The following PRR11 variants were observed in gnomAD, a reference collection of about 807,000 sequenced individuals.
PRR11 encodes proline-rich protein 11.
Under a neutral mutation model 45.6 loss-of-function variants are expected in PRR11, and 30 were observed. The ratio of observed to expected loss-of-function variants is 0.66; its 90% CI spans 0.49 to 0.89. PRR11 has a LOEUF of 0.89. Ranked by LOEUF, PRR11 falls within the 40% of genes least tolerant of loss-of-function variation. PRR11 has a pLI of 0.00. For synonymous variants in PRR11, 128 were observed against 153.5 expected, an observed-to-expected ratio of 0.83 and a Z score of 1.23; for missense variants, 373 against 424.8, an observed-to-expected ratio of 0.88 and a Z score of 1.07.
At chr17:59,198,751 C>T (rs935490131) in intron 9 of PRR11, among the ~76,000 whole-genome samples, 2 of 151,724 alleles carry the variant, frequency 1.3e-5, no homozygotes, top group Admixed American at 1.3e-4. Context: ...GCATGAGAAT[C>T]GCTTGAACCC....
intron 1 of PRR11, among the ~76,000 whole-genome samples, chr17:59,158,969 T>C (rs1281408766): frequency 6.6e-6 from 1 of 152,056 alleles, no homozygotes; most frequent in Non-Finnish European, 1.5e-5. Flanking sequence ...TACAGCACAC[T>C]CCACCACACC....
chr17:59,190,037 A>G (rs1217358601), intron 4 of PRR11, among the ~76,000 whole-genome samples: 1 of 152,174 alleles, frequency 6.6e-6, no homozygotes, highest in African/African-American at 2.4e-5. Flanking sequence ...GTATGTGTGA[A>G]ATAATTCTAT....
At chr17:59,180,438 C>G (rs1022595614) in intron 2 of PRR11, among the ~76,000 whole-genome samples, 4 of 150,398 alleles carry the variant, frequency 2.7e-5, no homozygotes, top group Non-Finnish European at 4.4e-5. Context: ...GCCTCAGTCC[C>G]TCCATTCTTC....
Position 59,201,902 on chromosome 17 carries a change from C to CAG in PRR11, c.*274_*275dup. ...AGGAGAATTGCTTGAACCCAAGAGGCAGAGGTTGCAGTGAGCCAAGATCGC... is the reference window on the plus strand; with the variant it reads ...AGGAGAATTGCTTGAACCCAAGAGGCAGAGAGGTTGCAGTGAGCCAAGATCGC... On this transcript the variant is annotated 3_prime_UTR_variant, in exon 10 of 10. Coordinates refer to ENST00000262293, the MANE Select transcript of PRR11 (RefSeq NM_018304.4). The CAG allele has an allele frequency of 2.7e-6, 1 of 367,920 alleles. No individual in the cohort carries two copies. Among genetic ancestry groups the CAG allele is most frequent in the East Asian group, 5.0e-5 (1 of 19,994 alleles). 22.8% of individuals were successfully genotyped at this position (367,920 alleles called of 1,614,324 possible). A position where few individuals can be genotyped will look rare whatever the true frequency, so the allele number is the denominator to read the frequency against.
intron 9 of PRR11, among the ~76,000 whole-genome samples, chr17:59,199,608 C>T (rs1426474654): frequency 3.3e-5 from 5 of 152,178 alleles, no homozygotes; most frequent in South Asian, 2.1e-4. Flanking sequence ...AGCCATCCGT[C>T]GGCTGCCCCT....
In PRR11 at chr17:59,159,443, G is replaced by A. The variant is rs547292156; in HGVS notation, c.-6+3638G>A. Reference sequence around the variant, plus strand: ...AGATGTATTTAGATACCCTACTGTCGCTCCTATAATCAGGTCCTCATCCCC... The same window carrying A: ...AGATGTATTTAGATACCCTACTGTCACTCCTATAATCAGGTCCTCATCCCC... On this transcript the variant is annotated intron_variant, in intron 1 of 9. Transcript: ENST00000262293. Among the ~76,000 whole-genome samples, 9 of 152,200 alleles carry A rather than the reference G, an allele frequency of 5.9e-5. No individual in the cohort carries two copies. In the South Asian group the frequency reaches 6.2e-4, roughly 11 times the overall value.
intron 2 of PRR11, among the ~76,000 whole-genome samples, chr17:59,173,677 C>T (rs911392649): frequency 3.9e-5 from 6 of 152,160 alleles, no homozygotes; most frequent in Admixed American, 1.3e-4. Flanking sequence ...TGTAACATGG[C>T]GAGGGTTGGC....
intron 2 of PRR11, among the ~76,000 whole-genome samples, chr17:59,182,186 C>T (rs2046790870): frequency 6.6e-6 from 1 of 151,830 alleles, no homozygotes; most frequent in Non-Finnish European, 1.5e-5. Context: ...TGCCATAATG[C>T]CCAGCTCAAT....
chr17:59,185,680 C>G, intron 4 of PRR11, 118 bp downstream of exon 4: 3 of 945,100 alleles, frequency 3.2e-6, no homozygotes, highest in Non-Finnish European at 3.1e-6. Flanking sequence ...AAACATTAAG[C>G]GAAAAAGTTT....
chr17:59,156,733 C>T (rs1207584710), intron 1 of PRR11, among the ~76,000 whole-genome samples: 1 of 151,812 alleles, frequency 6.6e-6, no homozygotes, highest in Non-Finnish European at 1.5e-5. Context: ...CAATCTCGGC[C>T]CACTACAACC....
chr17:59,180,510 G>GTTTTTTTTTTTT (rs1555716481), intron 2 of PRR11, among the ~76,000 whole-genome samples: 5 of 108,630 alleles, frequency 4.6e-5, no homozygotes, highest in African/African-American at 2.2e-4. Flanking sequence ...TTTTTTTTTT[G>GTTTTTTTTTTTT]TTTTTTTTGT....
chr17:59,195,699 T>C (rs1174546892), intron 7 of PRR11, among the ~76,000 whole-genome samples: 3 of 152,302 alleles, frequency 2.0e-5, no homozygotes, highest in East Asian at 3.9e-4. Context: ...TCTGGGCATA[T>C]GGTTTATTGC....
At chr17:59,192,041 T>C (rs1398248914) in intron 4 of PRR11, among the ~76,000 whole-genome samples, 1 of 152,164 alleles carries the variant, frequency 6.6e-6, no homozygotes, top group African/African-American at 2.4e-5. Flanking sequence ...CTGCCTTATT[T>C]GGACAAAGGG....
chr17:59,158,047 C>A (rs887739001), intron 1 of PRR11, among the ~76,000 whole-genome samples: 5 of 152,106 alleles, frequency 3.3e-5, no homozygotes, highest in South Asian at 2.1e-4. Context: ...AGTAAAGGAA[C>A]CTTCAAATAC....
chr17:59,185,057 C>T lies in PRR11; in HGVS notation c.132C>T (p.Val44=), dbSNP rs761865294. 9 of 1,612,222 alleles carry T rather than the reference C, an allele frequency of 5.6e-6. No homozygotes were observed. The East Asian group carries it at 6.7e-5, about 12-fold the overall frequency. The change falls in exon 3 of 10, where the codon GTC becomes GTT. Residue 44 remains valine, a synonymous_variant. Transcript: ENST00000262293. ...PPPPPPSPER[V]GISSIDISQS... ...TTTCATTTTGTTTTTCCTACAGAGT[C>T]GGTATTTCTTCAATAGATATATCTC... is the stretch of plus-strand genomic sequence containing the variant.
At chr17:59,170,831 A>G (rs1216667350) in intron 2 of PRR11, among the ~76,000 whole-genome samples, 1 of 152,210 alleles carries the variant, frequency 6.6e-6, no homozygotes, top group Non-Finnish European at 1.5e-5. Context: ...CAAATAATCA[A>G]TCCAGACCAA....
chr17:59,200,080 C>A (rs1470092406), intron 9 of PRR11, among the ~76,000 whole-genome samples: 1 of 152,160 alleles, frequency 6.6e-6, no homozygotes, highest in Non-Finnish European at 1.5e-5. Flanking sequence ...AATTGTAAAG[C>A]CACATATTGA....
intron 9 of PRR11, among the ~76,000 whole-genome samples, chr17:59,198,804 T>C (rs2046878880): frequency 6.6e-6 from 1 of 151,946 alleles, no homozygotes; most frequent in African/African-American, 2.4e-5. Context: ...ACCACTGCAC[T>C]CCAGCCTGGG....
chr17:59,165,841 T>TTG (rs1028138281), intron 1 of PRR11, among the ~76,000 whole-genome samples: 2 of 151,048 alleles, frequency 1.3e-5, no homozygotes, highest in African/African-American at 4.9e-5. Context: ...TAGACATCCC[T>TTG]TGTGTTTAAT....
Sources: gnomAD v4.1 joint callset for allele counts (sites outside exome capture counted in the v4.1 genomes callset) on GRCh38, gnomAD v4.1.1 for gene constraint, MANE v1.5 for transcripts, NCBI Gene and HGNC (gene_info 2026-07-23, HGNC 2026-07-21) for gene names.